The following CASP8 variants were observed in gnomAD, a reference collection of about 807,000 sequenced individuals.
The protein encoded by CASP8 is caspase-8.
A neutral mutation model predicts 46.3 loss-of-function variants in CASP8; 24 were observed. The ratio of observed to expected loss-of-function variants is 0.52; its 90% CI spans 0.38 to 0.73. The LOEUF (loss-of-function observed/expected upper bound fraction) is 0.73, where lower values mean the gene tolerates loss of function less well. CASP8 is among the 30% of genes least tolerant of loss of function. The pLI is 0.00. For missense variants in CASP8, 460 were observed against 559.0 expected, an observed-to-expected ratio of 0.82 and a Z score of 1.79; for synonymous variants, 188 against 200.4, an observed-to-expected ratio of 0.94 and a Z score of 0.52.
At chr2:201,267,013 G>A (rs755439483) in intron 2 of CASP8, among the ~76,000 whole-genome samples, 26 of 152,104 alleles carry the variant, frequency 1.7e-4, no homozygotes, top group Non-Finnish European at 3.2e-4. Context: ...AAACAAAGGC[G>A]TGAGAGAGAA....
intron 2 of CASP8, among the ~76,000 whole-genome samples, chr2:201,267,445 C>T (rs1947903360): frequency 6.6e-6 from 1 of 152,190 alleles, no homozygotes; most frequent in South Asian, 2.1e-4. Flanking sequence ...GCTAGGCAGT[C>T]TCCACCGAGG....
intron 2 of CASP8, among the ~76,000 whole-genome samples, chr2:201,254,128 A>G (rs2125017828): frequency 6.6e-6 from 1 of 152,118 alleles, no homozygotes; most frequent in Admixed American, 6.5e-5. Flanking sequence ...TGACATGAAT[A>G]TTGGAATCAG....
chr2:201,266,944 T>G lies in CASP8; in HGVS notation c.305+153T>G, dbSNP rs1225240596. Among the ~76,000 whole-genome samples, 2 of 152,076 alleles carry G rather than the reference T, an allele frequency of 1.3e-5. No homozygotes were observed. Among genetic ancestry groups the G allele is most frequent in the African/African-American group, 2.4e-5 (1 of 41,408 alleles). On this transcript the variant is annotated intron_variant, in intron 2 of 8. Transcript: ENST00000673742. This position sits in a 1 kb window ranked among gnomAD's most constrained non-coding sequence, Gnocchi z 5.7. ...CTTCTACAGAAAGACAGTAGTGCCTTGGGTGGTCCTGCTAAAGGCTGTAAA... is the reference window on the plus strand; with the variant it reads ...CTTCTACAGAAAGACAGTAGTGCCTGGGGTGGTCCTGCTAAAGGCTGTAAA...
At chr2:201,239,296 C>T (rs1425771593) in intron 2 of CASP8, among the ~76,000 whole-genome samples, 8 of 152,160 alleles carry the variant, frequency 5.3e-5, no homozygotes, top group Admixed American at 3.3e-4. Context: ...ACCTCCCAGA[C>T]GGGGTGGTGG....
intron 2 of CASP8, among the ~76,000 whole-genome samples, chr2:201,238,676 C>G (rs1215551920): frequency 2.6e-5 from 4 of 152,172 alleles, no homozygotes; most frequent in African/African-American, 9.7e-5. Flanking sequence ...CTCCTGGCCT[C>G]AAGTAATCTG....
At position 201,252,868 on chromosome 2, in the gene CASP8, G is replaced by C. The variant is rs369213540; in HGVS notation, c.-26-13593G>C. On this transcript the variant is annotated intron_variant, in intron 2 of 6. Transcript: ENST00000264274. ...GTGAATGTGTTTTGTTACTACCACA[G>C]ATACTCTTAAAATCCACTTATTATG... 6.4e-4 allele frequency among the ~76,000 whole-genome samples: 98 copies of C among 152,272 alleles called. 1 individual carries two copies. The East Asian group carries it at 8.3e-3, about 13-fold the overall frequency.
chr2:201,282,196 T>C (rs1359493616), intron 7 of CASP8, among the ~76,000 whole-genome samples: 2 of 49,214 alleles, frequency 4.1e-5, no homozygotes, highest in Admixed American at 3.3e-4. Flanking sequence ...GCACCGCCCT[T>C]AATCCATTTA....
At chr2:201,236,856 T>C (rs1320379636) in intron 2 of CASP8, among the ~76,000 whole-genome samples, 2 of 152,218 alleles carry the variant, frequency 1.3e-5, no homozygotes, top group Non-Finnish European at 2.9e-5. Flanking sequence ...TCCATCTGCC[T>C]CGGCTGCCCA....
In CASP8 at chr2:201,287,075, A is replaced by T. The variant is rs1365567291; in HGVS notation, c.*481A>T. 5.5e-6 allele frequency: 1 copy of T among 180,202 alleles called. No homozygotes were observed. The highest frequency in any genetic ancestry group is 2.4e-5 in the African/African-American group (1 of 41,804). 11.2% of individuals were successfully genotyped at this position (180,202 alleles called of 1,614,324 possible). On this transcript the variant is annotated 3_prime_UTR_variant, in exon 9 of 9. Coordinates refer to ENST00000673742, the MANE Select transcript of CASP8 (RefSeq NM_001372051.1). ...TTCTCTTATGCTTAAGGCTTTGGGA[A>T]TGTTTTTAGCTGGTGGCAATAAATA... is the stretch of plus-strand genomic sequence containing the variant.
chr2:201,251,757 G>T (rs970001312), intron 2 of CASP8, among the ~76,000 whole-genome samples: 1 of 151,966 alleles, frequency 6.6e-6, no homozygotes, highest in African/African-American at 2.4e-5. Context: ...ACAAAAATTA[G>T]CTGGGCGTGG....
intron 2 of CASP8, among the ~76,000 whole-genome samples, chr2:201,247,243 A>C (rs940567954): frequency 3.3e-5 from 5 of 149,724 alleles, no homozygotes; most frequent in African/African-American, 9.9e-5. Context: ...AATCTATCTG[A>C]TTCTAGAATT....
At chr2:201,239,794 C>A (rs937405164) in intron 2 of CASP8, among the ~76,000 whole-genome samples, 1 of 152,206 alleles carries the variant, frequency 6.6e-6, no homozygotes, top group Non-Finnish European at 1.5e-5. Context: ...TCTCTGGAAG[C>A]TCACACTGCA....
At chr2:201,275,953 AAACTT>A (rs1034199003) in intron 6 of CASP8, among the ~76,000 whole-genome samples, 6 of 152,204 alleles carry the variant, frequency 3.9e-5, no homozygotes, top group African/African-American at 1.2e-4. Flanking sequence ...TAAATAATAA[AAACTT>A]AACATACTTG....
intron 2 of CASP8, among the ~76,000 whole-genome samples, chr2:201,248,383 C>A (rs2124973805): frequency 6.6e-6 from 1 of 152,262 alleles, no homozygotes; most frequent in South Asian, 2.1e-4. Context: ...GGTGCGGATG[C>A]AGCTGACAAT....
rs552725361 is a variant in CASP8, at chr2:201,275,654, A to G, written c.660+701A>G. Among the ~76,000 whole-genome samples, 61 of 152,364 alleles carry G rather than the reference A, an allele frequency of 4.0e-4. 4 individuals carry two copies. The South Asian group carries it at 0.013, about 32-fold the overall frequency. On this transcript the variant is annotated intron_variant, in intron 6 of 8. Transcript: ENST00000673742. ...TAACCCAAGTAATGTGGTACTTTCTAAACAGTATAGCATGCTACAAGCATT... is the reference window on the plus strand; with the variant it reads ...TAACCCAAGTAATGTGGTACTTTCTGAACAGTATAGCATGCTACAAGCATT...
At chr2:201,242,540 CA>C (rs1388800334) in intron 2 of CASP8, 1 of 152,140 alleles carries the variant, frequency 6.6e-6, no homozygotes, top group African/African-American at 2.4e-5. Context: ...GTCCCATCTC[CA>C]AATACCAACA....
chr2:201,251,712 G>A (rs60196641), intron 2 of CASP8, among the ~76,000 whole-genome samples: 5,629 of 150,628 alleles, frequency 0.037, 280 homozygotes, highest in African/African-American at 0.12. Context: ...ACACCAGCCC[G>A]ACCAACATGG....
rs1419190304 is a variant in CASP8 at position 201,273,066 on chromosome 2, T to C, written c.595+124T>C. On this transcript the variant is annotated intron_variant, in intron 5 of 8. Coordinates refer to ENST00000673742, the MANE Select transcript of CASP8 (RefSeq NM_001372051.1). Reference sequence around the variant, plus strand: ...TGCCTGCTCTACTTTTTCTTTTTTTTTTTTTTTTTGTGAGACAGTTTTACT... The same window carrying C: ...TGCCTGCTCTACTTTTTCTTTTTTTCTTTTTTTTTGTGAGACAGTTTTACT... 18 of 851,320 alleles carry C rather than the reference T, an allele frequency of 2.1e-5. 1 individual carries two copies. Among genetic ancestry groups the C allele is most frequent in the Non-Finnish European group, 3.0e-5 (16 of 535,578 alleles). 52.7% of individuals were successfully genotyped at this position (851,320 alleles called of 1,614,324 possible).
chr2:201,240,079 G>A (rs1469929480), intron 2 of CASP8, among the ~76,000 whole-genome samples: 1 of 152,156 alleles, frequency 6.6e-6, no homozygotes, highest in Non-Finnish European at 1.5e-5. Flanking sequence ...GCATGTGGGA[G>A]GTAAGGCCTA....
Sources: gnomAD v4.1 joint callset for allele counts (sites outside exome capture counted in the v4.1 genomes callset) on GRCh38, gnomAD v4.1.1 for gene constraint, Gnocchi (gnomAD v3.1) non-coding constraint, MANE v1.5 for transcripts, NCBI Gene and HGNC (gene_info 2026-07-23, HGNC 2026-07-21) for gene names.